Variants in SMARCA4 observed in about 807,000 individuals in gnomAD.
SMARCA4 encodes the protein SWI/SNF-related matrix-associated actin-dependent regulator of chromatin subfamily A member 4.
Under a neutral mutation model 193.9 loss-of-function variants are expected in SMARCA4, and 31 were observed. The ratio of observed to expected loss-of-function variants is 0.16; its 90% CI spans 0.12 to 0.22. SMARCA4 has a LOEUF of 0.22. Among genes scored for constraint, SMARCA4 ranks in the 10% least tolerant of loss-of-function variants. The pLI, the probability that SMARCA4 is intolerant of heterozygous loss-of-function variation, is 1.00. For missense variants in SMARCA4, 1,148 were observed against 2,296.0 expected, an observed-to-expected ratio of 0.50 and a Z score of 10.22; for synonymous variants, 942 against 933.1, an observed-to-expected ratio of 1.01 and a Z score of -0.17.
At chr19:11,012,770 G>A in intron 15 of SMARCA4, 179 bp from the exon 16 acceptor site, 1 of 678,374 alleles carries the variant, frequency 1.5e-6, no homozygotes, top group South Asian at 1.6e-5. Flanking sequence ...CTAAGGATGA[G>A]GCTAAGCGAT....
At chr19:10,976,530 C>T (rs1055367614) in intron 1 of SMARCA4, among the ~76,000 whole-genome samples, 4 of 151,982 alleles carry the variant, frequency 2.6e-5, no homozygotes, top group South Asian at 2.1e-4. Flanking sequence ...TTGAGGTGGG[C>T]GGATCACTTG....
chr19:10,971,891 C>T lies in SMARCA4; in HGVS notation c.-32+10717C>T, dbSNP rs2084705791. 6.0e-5 allele frequency among the ~76,000 whole-genome samples: 9 copies of T among 149,784 alleles called. No homozygotes were observed. The Admixed American group carries it at 6.0e-4, about 10-fold the overall frequency. ...TCCGCCTCCCGGGTTCAAGCGATTT[C>T]AATTTTCCTGCCTCAGCCTCCTGAG... On this transcript the variant is annotated intron_variant, in intron 1 of 34. Coordinates refer to ENST00000344626, the MANE Select transcript of SMARCA4 (RefSeq NM_003072.5).
At chr19:10,980,278 A>G (rs1034509101) in intron 1 of SMARCA4, among the ~76,000 whole-genome samples, 2 of 152,116 alleles carry the variant, frequency 1.3e-5, no homozygotes, top group African/African-American at 4.8e-5. Context: ...AGGCCATTCT[A>G]ACAAGCCTCT....
At chr19:10,981,798 A>G (rs1053351643) in intron 1 of SMARCA4, among the ~76,000 whole-genome samples, 2 of 152,210 alleles carry the variant, frequency 1.3e-5, no homozygotes, top group African/African-American at 2.4e-5. Context: ...AGCCTGGGCA[A>G]CATAGAGAGA....
chr19:10,988,118 C>T (rs1181946691), intron 6 of SMARCA4, among the ~76,000 whole-genome samples, 194 bp downstream of exon 6: 1 of 151,890 alleles, frequency 6.6e-6, no homozygotes, highest in African/African-American at 2.4e-5. Context: ...AGTTTGAGTT[C>T]TCTCTCTTTT....
At chr19:11,052,742 C>G (rs368653672) in intron 30 of SMARCA4, among the ~76,000 whole-genome samples, 1 of 152,328 alleles carries the variant, frequency 6.6e-6, no homozygotes. Flanking sequence ...TGCCCTCCCC[C>G]AGCCCTGCAG....
chr19:10,973,282 A>G lies in SMARCA4; in HGVS notation c.-31-10839A>G, dbSNP rs370834229. On this transcript the variant is annotated intron_variant, in intron 1 of 34. Coordinates refer to ENST00000344626, the MANE Select transcript of SMARCA4 (RefSeq NM_003072.5). ...AACATCCATCTAATTGATAGCTAGGATAGCATTTGCAGGCTTGCAGTGTAG... is the reference window on the plus strand; with the variant it reads ...AACATCCATCTAATTGATAGCTAGGGTAGCATTTGCAGGCTTGCAGTGTAG... Among the ~76,000 whole-genome samples the G allele has an allele frequency of 1.4e-4, 21 of 152,286 alleles. 1 individual carries two copies. The highest frequency in any genetic ancestry group is 5.1e-4 in the African/African-American group (21 of 41,558).
At chr19:10,968,654 G>GT (rs1391415949) in intron 1 of SMARCA4, among the ~76,000 whole-genome samples, 2 of 152,154 alleles carry the variant, frequency 1.3e-5, no homozygotes, top group Non-Finnish European at 2.9e-5. Context: ...GCTCTTGGGA[G>GT]TTTTTTAAGT....
chr19:11,020,192 C>T (rs768707041), intron 18 of SMARCA4, among the ~76,000 whole-genome samples: 1 of 152,184 alleles, frequency 6.6e-6, no homozygotes, highest in African/African-American at 2.4e-5. Context: ...TCGGGCTGTT[C>T]TGTGAGGGTC....
Position 11,033,537 on chromosome 19 carries a change from C to G in SMARCA4, c.3774+20C>G, listed in dbSNP as rs377640724. The G allele has an allele frequency of 6.3e-7, 1 of 1,585,052 alleles. No homozygotes were observed. On this transcript the variant is annotated intron_variant, in intron 26 of 34. Transcript: ENST00000344626. This position sits in a 1 kb window ranked among gnomAD's most constrained non-coding sequence, Gnocchi z 9.8. The stretch of plus-strand genomic sequence containing the variant: ...GATGAGGTGAGCCCAGCACCGGCCC[C>G]GACCCCTCCCCAGCGTGAATGGTGG...
intron 1 of SMARCA4, among the ~76,000 whole-genome samples, chr19:10,973,657 C>T (rs2084864784): frequency 6.6e-6 from 1 of 151,314 alleles, no homozygotes; most frequent in South Asian, 2.1e-4. Flanking sequence ...GCAAGCTCCG[C>T]CTCCCGGGTT....
intron 24 of SMARCA4, among the ~76,000 whole-genome samples, chr19:11,029,224 C>T (rs1349858205): frequency 6.6e-6 from 1 of 152,242 alleles, no homozygotes; most frequent in East Asian, 1.9e-4. Flanking sequence ...CCTACGGTCT[C>T]TCCAGCGGCT....
chr19:10,966,559 A>C (rs1322805042), intron 1 of SMARCA4, among the ~76,000 whole-genome samples: 5 of 151,470 alleles, frequency 3.3e-5, no homozygotes. Context: ...CTGCACTCCA[A>C]CCTGGGTGAC....
chr19:11,025,823 T>C (rs561387467), intron 22 of SMARCA4, among the ~76,000 whole-genome samples: 1 of 152,338 alleles, frequency 6.6e-6, no homozygotes, highest in South Asian at 2.1e-4. Context: ...CACTGGCTTT[T>C]CTCACGTTGC....
intron 9 of SMARCA4, chr19:10,995,574 A>G (rs906610802): frequency 2.2e-6 from 1 of 446,114 alleles, no homozygotes; most frequent in Non-Finnish European, 4.5e-6. Flanking sequence ...AGAGGCCCAA[A>G]GGGTGGCCCT....
chr19:11,023,418 G>A, intron 19 of SMARCA4, 100 bp from the exon 20 acceptor site: 1 of 787,980 alleles, frequency 1.3e-6, no homozygotes, highest in Non-Finnish European at 2.2e-6. Flanking sequence ...CACCCCAGGG[G>A]ACCCCGTCCA....
chr19:11,049,876 C>T (rs2146960910), intron 30 of SMARCA4, among the ~76,000 whole-genome samples: 2 of 152,324 alleles, frequency 1.3e-5, no homozygotes, highest in Middle Eastern at 3.4e-3. Context: ...CCAAGCCGGG[C>T]TGATCACTTG....
intron 6 of SMARCA4, among the ~76,000 whole-genome samples, 160 bp from the exon 7 acceptor site, chr19:10,989,157 C>A (rs142292760): frequency 4.5e-4 from 69 of 152,318 alleles, no homozygotes; most frequent in Admixed American, 1.8e-3. Flanking sequence ...GGGCTATCTC[C>A]CTCTCTGCTG....
rs878854203 is a variant in SMARCA4, at chr19:11,007,948, C to G, written c.2048C>G (p.Pro683Arg). The G allele has an allele frequency of 6.2e-7, 1 of 1,613,658 alleles. No individual in the cohort carries two copies. Among genetic ancestry groups the G allele is most frequent in the Non-Finnish European group, 8.5e-7 (1 of 1,179,768 alleles). ...QPQAAQPPTLPVEEKKKIPDP... is the reference protein window; with the variant it reads ...QPQAAQPPTLRVEEKKKIPDP... ...CAGGCAGCACAGCCTCCCACCCTGC[C>G]CGTGGAGGAGAAGAAGAAGATTCCA... Residue 683 changes from proline (P) to arginine (R), a missense_variant, in exon 14 of 35, where the codon CCC (proline) becomes CGC (arginine). Transcript: ENST00000344626.
Sources: allele counts gnomAD v4.1 joint callset (sites outside exome capture counted in the v4.1 genomes callset), GRCh38; gene constraint gnomAD v4.1.1; non-coding constraint Gnocchi (gnomAD v3.1); transcripts MANE v1.5; gene names NCBI Gene and HGNC (gene_info 2026-07-23, HGNC 2026-07-21).